The following NAALADL2 variants were observed in gnomAD, a reference collection of about 807,000 sequenced individuals.
NAALADL2 encodes the protein inactive N-acetylated-alpha-linked acidic dipeptidase-like protein 2.
A neutral mutation model predicts 87.2 loss-of-function variants in NAALADL2; 76 were observed. The ratio of observed to expected loss-of-function variants is 0.87; its 90% CI spans 0.72 to 1.05. The LOEUF is 1.05. NAALADL2 is among the 50% of genes least tolerant of loss of function. The pLI is 0.00. For missense variants in NAALADL2, 1,089 were observed against 945.8 expected (o/e 1.15, Z -1.99); for synonymous variants, 354 against 331.0 (o/e 1.07, Z -0.75).
At position 175,108,000 on chromosome 3, in the gene NAALADL2, T is replaced by G. The variant is rs192516804; in HGVS notation, c.545+10709T>G. On this transcript the variant is annotated intron_variant, in intron 2 of 13. Transcript: ENST00000454872. Reference sequence around the variant, plus strand: ...AAGTTCTCTTTCCTTTCATTATAACTGGAGAAAATATATTAAATTTTATAT... The same window carrying G: ...AAGTTCTCTTTCCTTTCATTATAACGGGAGAAAATATATTAAATTTTATAT... Among the ~76,000 whole-genome samples the G allele has an allele frequency of 3.6e-3, 543 of 152,060 alleles. 4 individuals are homozygous for G. The highest frequency in any genetic ancestry group is 0.012 in the African/African-American group (516 of 41,522).
At chr3:174,519,499 T>A (rs1187503571) in intron 1 of NAALADL2, among the ~76,000 whole-genome samples, 1 of 151,874 alleles carries the variant, frequency 6.6e-6, no homozygotes, top group African/African-American at 2.4e-5. Context: ...ACCCAGCTAA[T>A]TTTGTATTTT....
intron 1 of NAALADL2, among the ~76,000 whole-genome samples, chr3:174,923,341 C>T (rs375039013): frequency 2.0e-5 from 3 of 151,942 alleles, no homozygotes; most frequent in East Asian, 3.9e-4. Context: ...TCCATGAGTA[C>T]ATAGTGCAAT....
At chr3:175,108,016 A>C (rs1050308248) in intron 2 of NAALADL2, among the ~76,000 whole-genome samples, 2 of 151,902 alleles carry the variant, frequency 1.3e-5, no homozygotes, top group African/African-American at 4.8e-5. Flanking sequence ...AAATATATTA[A>C]ATTTTATATG....
At chr3:174,851,862 TA>T in intron 3 of NAALADL2, among the ~76,000 whole-genome samples, 1 of 152,150 alleles carries the variant, frequency 6.6e-6, no homozygotes, top group South Asian at 2.1e-4. Context: ...AACAACACAT[TA>T]AAAAGATCAC....
intron 13 of NAALADL2, among the ~76,000 whole-genome samples, chr3:175,781,286 T>G (rs1751029226): frequency 6.6e-6 from 1 of 152,174 alleles, no homozygotes; most frequent in Non-Finnish European, 1.5e-5. Flanking sequence ...TATAAAATCA[T>G]GTGCTGAATA....
chr3:174,676,836 T>C (rs1469007280), intron 2 of NAALADL2, among the ~76,000 whole-genome samples: 2 of 151,918 alleles, frequency 1.3e-5, no homozygotes, highest in African/African-American at 4.8e-5. Context: ...AGTTTAAAAA[T>C]TTTTATCATG....
At chr3:175,141,244 G>T (rs1729949398) in intron 2 of NAALADL2, among the ~76,000 whole-genome samples, 1 of 151,976 alleles carries the variant, frequency 6.6e-6, no homozygotes, top group Non-Finnish European at 1.5e-5. Context: ...GAGAACCCAT[G>T]CTACAAAATG....
intron 2 of NAALADL2, among the ~76,000 whole-genome samples, chr3:174,561,358 C>T (rs148179827): frequency 3.6e-4 from 54 of 152,060 alleles, no homozygotes; most frequent in Admixed American, 5.9e-4. Flanking sequence ...TGCCACCATG[C>T]CCAGCTAATT....
chr3:174,671,391 C>T (rs1330266581), intron 2 of NAALADL2, among the ~76,000 whole-genome samples: 2 of 151,954 alleles, frequency 1.3e-5, no homozygotes, highest in African/African-American at 4.8e-5. Flanking sequence ...TTACTAATTA[C>T]CTACTCTGTA....
At chr3:174,988,452 G>A (rs994507808) in intron 1 of NAALADL2, among the ~76,000 whole-genome samples, 31 of 152,132 alleles carry the variant, frequency 2.0e-4, no homozygotes, top group African/African-American at 7.2e-4. Context: ...ACAAAAAAAT[G>A]AACTAAAAGT....
intron 2 of NAALADL2, among the ~76,000 whole-genome samples, chr3:174,578,462 A>T (rs1339280934): frequency 6.6e-6 from 1 of 152,040 alleles, no homozygotes; most frequent in Non-Finnish European, 1.5e-5. Context: ...ACAATGGGAC[A>T]ACACATTTAA....
At chr3:174,798,466 A>C (rs1427422513) in intron 3 of NAALADL2, among the ~76,000 whole-genome samples, 3 of 152,128 alleles carry the variant, frequency 2.0e-5, no homozygotes, top group African/African-American at 7.2e-5. Context: ...TCTGCAAAAA[A>C]CGGGCAGCTT....
At position 175,103,976 on chromosome 3, in the gene NAALADL2, T is replaced by A. The variant is rs567311524; in HGVS notation, c.545+6685T>A. On this transcript the variant is annotated intron_variant, in intron 2 of 13. Transcript: ENST00000454872. The stretch of plus-strand genomic sequence containing the variant: ...CTTTCTCACCAGTACTAATTTACCA[T>A]CCCGTGATATAAGAAAATAAGCACC... 2.6e-5 allele frequency among the ~76,000 whole-genome samples: 4 copies of A among 152,294 alleles called. No individual in the cohort carries two copies. The East Asian group carries it at 7.7e-4, about 29-fold the overall frequency.
intron 3 of NAALADL2, among the ~76,000 whole-genome samples, chr3:174,815,428 C>A (rs78087981): frequency 9.5e-5 from 11 of 115,376 alleles, no homozygotes; most frequent in East Asian, 5.9e-4. Flanking sequence ...ATTTATTATT[C>A]TTTTCATTTC....
chr3:175,244,123 C>T (rs1747520219), intron 3 of NAALADL2, among the ~76,000 whole-genome samples: 1 of 152,242 alleles, frequency 6.6e-6, no homozygotes, highest in East Asian at 1.9e-4. Context: ...GGACCCTTAT[C>T]TCGGGAGCAA....
intron 9 of NAALADL2, among the ~76,000 whole-genome samples, chr3:175,475,761 G>A (rs1445283746): frequency 6.6e-6 from 1 of 152,026 alleles, no homozygotes; most frequent in Non-Finnish European, 1.5e-5. Context: ...TTGTCACCCA[G>A]GCTGGAATGC....
intron 1 of NAALADL2, among the ~76,000 whole-genome samples, chr3:174,921,378 T>C (rs979364514): frequency 6.6e-6 from 1 of 152,214 alleles, no homozygotes; most frequent in Non-Finnish European, 1.5e-5. Flanking sequence ...TTACGTGGCC[T>C]TTATATGATT....
At chr3:174,845,361 T>C (rs1308977185) in intron 3 of NAALADL2, among the ~76,000 whole-genome samples, 1 of 152,168 alleles carries the variant, frequency 6.6e-6, no homozygotes, top group Non-Finnish European at 1.5e-5. Context: ...TCCAGTAGGC[T>C]GGGGCCACCT....
chr3:175,588,289 G>A (rs1560806809), intron 10 of NAALADL2, among the ~76,000 whole-genome samples: 1 of 152,080 alleles, frequency 6.6e-6, no homozygotes, highest in African/African-American at 2.4e-5. Context: ...TTGGGTTTTG[G>A]TCTAAACTGG....
Sources: allele counts gnomAD v4.1 joint callset (sites outside exome capture counted in the v4.1 genomes callset), GRCh38; gene constraint gnomAD v4.1.1; transcripts MANE v1.5; gene names NCBI Gene and HGNC (gene_info 2026-07-23, HGNC 2026-07-21).